Variants in RASSF8 observed in about 807,000 individuals in gnomAD.
The protein encoded by RASSF8 is Ras association domain family member 8.
A neutral mutation model predicts 48.5 loss-of-function variants in RASSF8; 22 were observed. That is an observed-to-expected ratio of 0.45 (90% confidence interval 0.32 to 0.65). The LOEUF is 0.65. Among genes scored for constraint, RASSF8 ranks in the 30% least tolerant of loss-of-function variants. The probability of loss-of-function intolerance (pLI) is 0.03; values close to 1 mark genes in which losing one functional copy is unlikely to be tolerated. For missense variants in RASSF8, 418 were observed against 489.2 expected, an observed-to-expected ratio of 0.85 and a Z score of 1.37; for synonymous variants, 127 against 171.5, an observed-to-expected ratio of 0.74 and a Z score of 2.03.
intron 3 of RASSF8, among the ~76,000 whole-genome samples, chr12:26,055,841 A>G (rs896982388): frequency 2.0e-5 from 3 of 152,240 alleles, no homozygotes; most frequent in African/African-American, 7.2e-5. Flanking sequence ...CAGAAAATAC[A>G]ACAAATGAAA....
chr12:25,995,764 T>TA (rs1942118209), intron 2 of RASSF8, among the ~76,000 whole-genome samples: 1 of 152,200 alleles, frequency 6.6e-6, no homozygotes, highest in South Asian at 2.1e-4. Flanking sequence ...TTAAATGACT[T>TA]ATTCGTCCCA....
intron 1 of RASSF8, among the ~76,000 whole-genome samples, chr12:25,969,057 A>G (rs1221296096): frequency 6.6e-6 from 1 of 152,216 alleles, no homozygotes; most frequent in Non-Finnish European, 1.5e-5. Context: ...CCCAGCCACC[A>G]TGCGGGTAAG....
At chr12:25,975,197 ACAG>A (rs1185014627) in intron 1 of RASSF8, among the ~76,000 whole-genome samples, 2 of 152,314 alleles carry the variant, frequency 1.3e-5, no homozygotes, top group East Asian at 3.9e-4. Context: ...AAACAGGACA[ACAG>A]GTCCAAAAGC....
At position 26,079,292 on chromosome 12, in the gene RASSF8, A is replaced by G. The variant is rs985964072; in HGVS notation, c.*219A>G. Reference sequence around the variant, plus strand: ...AAGAAAACAAATAATCCAATTAAAAATGGTCAAAGGGGCTGGGCATGGTGG... The same window carrying G: ...AAGAAAACAAATAATCCAATTAAAAGTGGTCAAAGGGGCTGGGCATGGTGG... On this transcript the variant is annotated 3_prime_UTR_variant, in exon 6 of 6. Transcript: ENST00000381352. 6.3e-5 allele frequency: 25 copies of G among 393,768 alleles called. No homozygotes were observed. In the East Asian group the frequency reaches 1.1e-3, roughly 17 times the overall value. The allele number at this position is 393,768 out of a possible 1,614,324, so 24.4% of individuals were successfully genotyped here.
rs75882340 is a variant in RASSF8, at chr12:26,050,511, C to T, written c.-108-4725C>T. Among the ~76,000 whole-genome samples, 1,293 of 152,306 alleles carry T rather than the reference C, an allele frequency of 8.5e-3. 18 individuals are homozygous for T. The highest frequency in any genetic ancestry group is 0.029 in the African/African-American group (1,193 of 41,564). On this transcript the variant is annotated intron_variant, in intron 2 of 5. Coordinates refer to ENST00000689635, the MANE Select transcript of RASSF8 (RefSeq NM_001394098.1). ...AAAATATGCGTCTTGACTCAAATCA[C>T]ACAAGAGGTAGTAGACTCGGGATTT...
intron 1 of RASSF8, among the ~76,000 whole-genome samples, chr12:25,992,464 C>T (rs755753171): frequency 6.6e-6 from 1 of 152,172 alleles, no homozygotes; most frequent in African/African-American, 2.4e-5. Flanking sequence ...TGAACAGTAC[C>T]AGTGAGTACT....
intron 1 of RASSF8, among the ~76,000 whole-genome samples, chr12:25,966,540 A>G (rs1169883052): frequency 3.9e-5 from 6 of 152,166 alleles, no homozygotes; most frequent in African/African-American, 1.2e-4. Flanking sequence ...TTCCCTAACA[A>G]CTAGTGATGT....
At chr12:26,009,733 C>T (rs951469901) in intron 2 of RASSF8, among the ~76,000 whole-genome samples, 3 of 152,172 alleles carry the variant, frequency 2.0e-5, no homozygotes, top group African/African-American at 7.2e-5. Flanking sequence ...GAAGGAGTGA[C>T]AAACTGACCC....
chr12:26,010,524 C>A (rs888245294), intron 2 of RASSF8, among the ~76,000 whole-genome samples: 1 of 152,204 alleles, frequency 6.6e-6, no homozygotes, highest in African/African-American at 2.4e-5. Flanking sequence ...CCTGATTACC[C>A]CGGCCCTGGG....
intron 4 of RASSF8, among the ~76,000 whole-genome samples, chr12:26,066,382 A>G (rs1213464004): frequency 6.6e-6 from 1 of 152,206 alleles, no homozygotes; most frequent in Admixed American, 6.5e-5. Flanking sequence ...GCTTTAGAAC[A>G]TCAACAGTTA....
chr12:26,027,227 G>A (rs75791696), intron 2 of RASSF8, among the ~76,000 whole-genome samples: 9,737 of 152,244 alleles, frequency 0.064, 483 homozygotes, highest in African/African-American at 0.14. Flanking sequence ...AGGTATGTGG[G>A]TTATTTTTTG....
intron 2 of RASSF8, among the ~76,000 whole-genome samples, chr12:26,001,127 A>G (rs1439605331): frequency 2.7e-5 from 4 of 150,936 alleles, no homozygotes; most frequent in Non-Finnish European, 5.9e-5. Flanking sequence ...TGGGACTACA[A>G]GTGCATTTCA....
At position 26,055,338 on chromosome 12, in the gene RASSF8, T is replaced by C; in HGVS notation, c.-6T>C. On this transcript the variant is annotated 5_prime_UTR_variant, in exon 3 of 6. Transcript: ENST00000689635. ...TCAGGGACCTTGAGTGACTGGCCGGTGCACCATGGAACTTAAAGTATGGGT... is the reference window on the plus strand; with the variant it reads ...TCAGGGACCTTGAGTGACTGGCCGGCGCACCATGGAACTTAAAGTATGGGT... 6.2e-7 allele frequency: 1 copy of C among 1,613,366 alleles called. No individual in the cohort carries two copies. Among genetic ancestry groups the C allele is most frequent in the Non-Finnish European group, 8.5e-7 (1 of 1,179,348 alleles).
At chr12:26,050,428 A>G (rs895617146) in intron 2 of RASSF8, among the ~76,000 whole-genome samples, 5 of 152,190 alleles carry the variant, frequency 3.3e-5, no homozygotes, top group African/African-American at 1.2e-4. Flanking sequence ...CCTGTACTAG[A>G]TAAGGTACAA....
At chr12:26,076,236 C>CTGCCAGGA, downstream of RASSF8, among the ~76,000 whole-genome samples, 1 of 151,948 alleles carries the variant, frequency 6.6e-6, no homozygotes, top group African/African-American at 2.4e-5. Context: ...GTGACTGTGA[C>CTGCCAGGA]TGCCAGGACT....
chr12:26,073,821 T>TACACAC (rs757140768), downstream of RASSF8, among the ~76,000 whole-genome samples: 40 of 65,244 alleles, frequency 6.1e-4, no homozygotes, highest in South Asian at 1.2e-3. Context: ...TATATACACA[T>TACACAC]ACACACACAC....
In RASSF8 at chr12:26,035,470, AT is replaced by A. The variant is rs1440126143; in HGVS notation, c.-108-19764del. Among the ~76,000 whole-genome samples the A allele has an allele frequency of 2.2e-3, 233 of 105,038 alleles. 1 individual carries two copies. The highest frequency in any genetic ancestry group is 7.2e-3 in the African/African-American group (228 of 31,852). The allele number at this position is 105,038 out of a possible 152,430, so 68.9% of individuals were successfully genotyped here. On this transcript the variant is annotated intron_variant, in intron 2 of 5. Transcript: ENST00000689635. ...TAAGTATATGAAATTATATAATTATATTATATAATTATATAATTATATGAAA... is the reference window on the plus strand; with the variant it reads ...TAAGTATATGAAATTATATAATTATATATATAATTATATAATTATATGAAA...
intron 2 of RASSF8, among the ~76,000 whole-genome samples, chr12:26,003,005 C>T (rs1942297826): frequency 6.6e-6 from 1 of 152,166 alleles, no homozygotes; most frequent in Non-Finnish European, 1.5e-5. Flanking sequence ...GTAACTCATT[C>T]ATCTAGAGTT....
chr12:25,967,284 CTT>C (rs1245207736), intron 1 of RASSF8, among the ~76,000 whole-genome samples: 14 of 152,084 alleles, frequency 9.2e-5, no homozygotes, highest in Admixed American at 7.2e-4. Flanking sequence ...CCCTCTTTTC[CTT>C]TCTTTTTTTG....
Sources: allele counts gnomAD v4.1 joint callset (sites outside exome capture counted in the v4.1 genomes callset), GRCh38; gene constraint gnomAD v4.1.1; transcripts MANE v1.5; gene names NCBI Gene and HGNC (gene_info 2026-07-23, HGNC 2026-07-21).